The following RPH3AL variants were observed in gnomAD, a reference collection of about 807,000 sequenced individuals.
RPH3AL encodes the protein rabphilin 3A like (without C2 domains), also known as rab effector Noc2.
A neutral mutation model predicts 43.1 loss-of-function variants in RPH3AL; 38 were observed. That is an observed-to-expected ratio of 0.88 (90% confidence interval 0.68 to 1.15). RPH3AL has a LOEUF of 1.15. RPH3AL is among the 50% of genes most tolerant of loss of function. RPH3AL has a pLI of 0.00. For missense variants in RPH3AL, 462 were observed against 423.2 expected, an observed-to-expected ratio of 1.09 and a Z score of -0.81; for synonymous variants, 189 against 176.3, an observed-to-expected ratio of 1.07 and a Z score of -0.57.
At chr17:231,583 C>G (rs2041231925) in intron 7 of RPH3AL, among the ~76,000 whole-genome samples, 1 of 152,252 alleles carries the variant, frequency 6.6e-6, no homozygotes, top group African/African-American at 2.4e-5. Flanking sequence ...GATTTATTCA[C>G]TTCACTTAGT....
At chr17:342,895 C>A (rs767027981) in intron 1 of RPH3AL, among the ~76,000 whole-genome samples, 2 of 152,176 alleles carry the variant, frequency 1.3e-5, no homozygotes, top group Non-Finnish European at 2.9e-5. Context: ...AGACATGATG[C>A]TAATCTGGGT....
intron 5 of RPH3AL, among the ~76,000 whole-genome samples, chr17:317,835 C>T (rs566634471): frequency 6.6e-6 from 1 of 152,304 alleles, no homozygotes; most frequent in Non-Finnish European, 1.5e-5. Flanking sequence ...CAGTGGCCTG[C>T]ATGTTCCACA....
chr17:279,431 T>C (rs1350402243), intron 6 of RPH3AL, among the ~76,000 whole-genome samples: 1 of 152,142 alleles, frequency 6.6e-6, no homozygotes, highest in Non-Finnish European at 1.5e-5. Context: ...AGTAATAGCG[T>C]AATGCACAGC....
chr17:294,569 G>A (rs12938423), intron 5 of RPH3AL, among the ~76,000 whole-genome samples: 14,912 of 91,194 alleles, frequency 0.16, 1,222 homozygotes, highest in African/African-American at 0.26. Context: ...AGGGACAGAG[G>A]AGCTGCAGAA....
chr17:276,452 C>T lies in RPH3AL; in HGVS notation c.438+5316G>A, dbSNP rs1042031449. ...TCTCACTAAGGCTGGAGTGCAGTGGCACGATCTCAGCCCACTGCCACCTCC... is the reference window on the plus strand; with the variant it reads ...TCTCACTAAGGCTGGAGTGCAGTGGTACGATCTCAGCCCACTGCCACCTCC... On this transcript the variant is annotated intron_variant, in intron 6 of 9. Transcript: ENST00000331302. Among the ~76,000 whole-genome samples, 3 of 152,202 alleles carry T rather than the reference C, an allele frequency of 2.0e-5. No individual in the cohort carries two copies. The East Asian group carries it at 5.8e-4, about 29-fold the overall frequency.
chr17:307,914 A>C (rs1030297184), intron 5 of RPH3AL, among the ~76,000 whole-genome samples: 2 of 152,236 alleles, frequency 1.3e-5, no homozygotes, highest in African/African-American at 4.8e-5. Context: ...CAGATGTTCC[A>C]AGATGCCGTG....
intron 1 of RPH3AL, chr17:334,180 C>T (rs899692264): frequency 6.5e-6 from 1 of 153,818 alleles, no homozygotes; most frequent in African/African-American, 2.4e-5. Context: ...GAGCTCATCC[C>T]CGTACAGGCT....
rs376949166 is a variant in RPH3AL, at chr17:319,306, C to A, written c.351+114G>T. The A allele has an allele frequency of 2.6e-5, 33 of 1,284,566 alleles. No individual in the cohort carries two copies. In the African/African-American group the frequency reaches 2.9e-4, roughly 11 times the overall value. 79.6% of individuals were successfully genotyped at this position (1,284,566 alleles called of 1,614,324 possible). The stretch of plus-strand genomic sequence containing the variant: ...GCTTCTTGCCAAGATGCAGAGGATA[C>A]CACATGCCCAACGCAGACATACACA... On this transcript the variant is annotated intron_variant, in intron 5 of 9. Coordinates refer to ENST00000331302, the MANE Select transcript of RPH3AL (RefSeq NM_006987.4).
At chr17:262,166 A>G (rs2042210012) in intron 6 of RPH3AL, among the ~76,000 whole-genome samples, 1 of 152,190 alleles carries the variant, frequency 6.6e-6, no homozygotes, top group Non-Finnish European at 1.5e-5. Context: ...TCTAGGGGTC[A>G]AGGTCGTTAT....
At position 246,970 on chromosome 17, in the gene RPH3AL, G is replaced by A. The variant is rs1293161800; in HGVS notation, c.613+141C>T. The stretch of plus-strand genomic sequence containing the variant: ...CACTCGGGAGAAGGTGTGGAGCTGA[G>A]GGCACAGGGAGGGACGCATCACCAG... On this transcript the variant is annotated intron_variant, in intron 7 of 9. Coordinates refer to ENST00000331302, the MANE Select transcript of RPH3AL (RefSeq NM_006987.4). This position sits in a 1 kb window ranked among gnomAD's most constrained non-coding sequence, Gnocchi z 4.8. 2 of 880,186 alleles carry A rather than the reference G, an allele frequency of 2.3e-6. No homozygotes were observed. The highest frequency in any genetic ancestry group is 2.4e-5 in the East Asian group (1 of 41,210). The allele number at this position is 880,186 out of a possible 1,614,324, so 54.5% of individuals were successfully genotyped here.
At chr17:218,929 G>T (rs2040879930) in intron 8 of RPH3AL, among the ~76,000 whole-genome samples, 1 of 152,130 alleles carries the variant, frequency 6.6e-6, no homozygotes, top group African/African-American at 2.4e-5. Flanking sequence ...GATTGAAGAG[G>T]CAAACTCTCA....
rs1377365290 is a variant in RPH3AL, at chr17:289,449, C to T, written c.352-7595G>A. Among the ~76,000 whole-genome samples the T allele has an allele frequency of 6.6e-6, 1 of 152,196 alleles. No homozygotes were observed. The highest frequency in any genetic ancestry group is 6.5e-5 in the Admixed American group (1 of 15,286). ...TCAGCCCCGTCCCTGATCTCTGCTG[C>T]CACCGCCCACGCCCACACCAAGGCC... On this transcript the variant is annotated intron_variant, in intron 5 of 9. Coordinates refer to ENST00000331302, the MANE Select transcript of RPH3AL (RefSeq NM_006987.4). This position sits in a 1 kb window ranked among gnomAD's most constrained non-coding sequence, Gnocchi z 5.2.
intron 7 of RPH3AL, among the ~76,000 whole-genome samples, chr17:229,449 C>T (rs1597887810): frequency 6.6e-6 from 1 of 152,210 alleles, no homozygotes; most frequent in Admixed American, 6.5e-5. Flanking sequence ...AAGGGGTGGG[C>T]CACAGAGGGA....
chr17:330,392 G>A (rs942676516), intron 2 of RPH3AL, among the ~76,000 whole-genome samples: 5 of 152,244 alleles, frequency 3.3e-5, no homozygotes, highest in Admixed American at 6.5e-5. Context: ...TCTCCCAGAT[G>A]AGGCTAATGG....
chr17:233,790 G>A (rs368345743), intron 7 of RPH3AL, among the ~76,000 whole-genome samples: 21 of 152,188 alleles, frequency 1.4e-4, no homozygotes, highest in South Asian at 4.1e-4. Flanking sequence ...CAACAGGGCC[G>A]GGTGGGGACT....
In RPH3AL at chr17:289,974, G is replaced by T. The variant is rs1275829613; in HGVS notation, c.352-8120C>A. On this transcript the variant is annotated intron_variant, in intron 5 of 9. Coordinates refer to ENST00000331302, the MANE Select transcript of RPH3AL (RefSeq NM_006987.4). The surrounding 1 kb of genome is among the most constrained non-coding windows in gnomAD (Gnocchi z 5.2). The stretch of plus-strand genomic sequence containing the variant: ...AGGGCTCCTGTGACTTCCCCTGCTG[G>T]GCCGTCATCTTCCCAAGGGCAGAGG... Among the ~76,000 whole-genome samples the T allele has an allele frequency of 6.6e-6, 1 of 152,148 alleles. No individual in the cohort carries two copies. The highest frequency in any genetic ancestry group is 1.5e-5 in the Non-Finnish European group (1 of 68,042).
intron 5 of RPH3AL, among the ~76,000 whole-genome samples, chr17:300,092 GGCCCA>G (rs2043287798): frequency 9.3e-5 from 3 of 32,378 alleles, no homozygotes; most frequent in Admixed American, 3.0e-4. Flanking sequence ...AGCAGGGGCT[GGCCCA>G]GCCTAGGCCC....
At chr17:278,270 T>A (rs2151601584) in intron 6 of RPH3AL, among the ~76,000 whole-genome samples, 1 of 152,316 alleles carries the variant, frequency 6.6e-6, no homozygotes, top group South Asian at 2.1e-4. Context: ...CCTGCCGCCA[T>A]GTAAGACGTG....
chr17:342,087 T>G (rs1414063072), intron 1 of RPH3AL, among the ~76,000 whole-genome samples: 3 of 152,004 alleles, frequency 2.0e-5, no homozygotes, highest in Non-Finnish European at 1.5e-5. Flanking sequence ...GATACGCAAA[T>G]GCCCAAAAAT....
Sources: allele counts gnomAD v4.1 joint callset (sites outside exome capture counted in the v4.1 genomes callset), GRCh38; gene constraint gnomAD v4.1.1; non-coding constraint Gnocchi (gnomAD v3.1); transcripts MANE v1.5; gene names NCBI Gene and HGNC (gene_info 2026-07-23, HGNC 2026-07-21).